Variants in PHEX observed in about 807,000 individuals in gnomAD.
The protein encoded by PHEX is phosphate regulating endopeptidase X-linked.
Under a neutral mutation model 68.0 loss-of-function variants are expected in PHEX, and 16 were observed. That is an observed-to-expected ratio of 0.24 (90% CI 0.16 to 0.36). PHEX has a LOEUF of 0.36. PHEX is among the 10% of genes least tolerant of loss of function. The pLI, the probability that PHEX is intolerant of heterozygous loss-of-function variation, is 1.00. For missense variants in PHEX, 480 were observed against 575.5 expected (o/e 0.83, Z 1.70); for synonymous variants, 208 against 205.1 (o/e 1.01, Z -0.12).
In PHEX at chrX:22,221,765, G is replaced by C. The variant is rs770826059; in HGVS notation, c.1899+22G>C. 1.3e-5 allele frequency: 16 copies of C among 1,190,480 alleles called. No individual in the cohort carries two copies. The Admixed American group carries it at 3.1e-4, about 23-fold the overall frequency. ...AAATGTGAGTACAACTGTGGCTAAGGGGGGCACCTTGTGGTTCATTTTTCC... is the reference window on the plus strand; with the variant it reads ...AAATGTGAGTACAACTGTGGCTAAGCGGGGCACCTTGTGGTTCATTTTTCC... On this transcript the variant is annotated intron_variant, in intron 18 of 21. Transcript: ENST00000379374.
chrX:22,190,271 G>C lies in PHEX; in HGVS notation c.1587-173G>C, dbSNP rs749186235. On this transcript the variant is annotated intron_variant, in intron 14 of 21. Coordinates refer to ENST00000379374, the MANE Select transcript of PHEX (RefSeq NM_000444.6). Reference sequence around the variant, plus strand: ...GCCATGTTCAGTTTAGGATGAGATTGTTCATTGAGCAGTACAGTAGCCCCA... The same window carrying C: ...GCCATGTTCAGTTTAGGATGAGATTCTTCATTGAGCAGTACAGTAGCCCCA... Among the ~76,000 whole-genome samples, 8 of 112,001 alleles carry C rather than the reference G, an allele frequency of 7.1e-5. No individual in the cohort carries two copies. The South Asian group carries it at 2.2e-3, about 31-fold the overall frequency.
chrX:22,032,942 T>A lies in PHEX; in HGVS notation c.-64T>A. ...AGCCTTGGATGTCAACGCCTCGCTC[T>A]TGAGACCAGCCACCAAACCACGAAA... On this transcript the variant is annotated 5_prime_UTR_variant, in exon 1 of 22. The change creates a new upstream start codon in the 5' untranslated region. Transcript: ENST00000379374. 1 of 863,534 alleles carries A rather than the reference T, an allele frequency of 1.2e-6. No individual in the cohort carries two copies. The allele number at this position is 863,534 out of a possible 1,213,427, so 71.2% of individuals were successfully genotyped here. A position where few individuals can be genotyped will look rare whatever the true frequency, so the allele number is the denominator to read the frequency against.
At chrX:22,245,139 AT>A (rs765194883) in intron 20 of PHEX, among the ~76,000 whole-genome samples, 193 bp from the exon 21 acceptor site, 5 of 112,405 alleles carry the variant, frequency 4.4e-5, no homozygotes, top group Non-Finnish European at 9.4e-5. Flanking sequence ...AATTATTCAC[AT>A]TGATAAAACC....
At chrX:22,143,979 T>G (rs1478378097) in intron 12 of PHEX, among the ~76,000 whole-genome samples, 1 of 111,458 alleles carries the variant, frequency 9.0e-6, no homozygotes, top group Non-Finnish European at 1.9e-5. Flanking sequence ...CAGAACCTAA[T>G]GTGGATCTGA....
At chrX:22,216,510 T>TATTA (rs1935099226) in intron 16 of PHEX, among the ~76,000 whole-genome samples, 1 of 106,902 alleles carries the variant, frequency 9.4e-6, no homozygotes, top group East Asian at 3.0e-4. Context: ...TTTATTTATT[T>TATTA]ATTTATTTAT....
intron 20 of PHEX, among the ~76,000 whole-genome samples, chrX:22,228,776 G>C (rs2051963807): frequency 9.0e-6 from 1 of 111,086 alleles, no homozygotes; most frequent in African/African-American, 3.3e-5. Flanking sequence ...CGTGCAGAAC[G>C]TGCAGTTTTG....
At chrX:22,205,824 G>C (rs1934694672) in intron 15 of PHEX, among the ~76,000 whole-genome samples, 1 of 111,835 alleles carries the variant, frequency 8.9e-6, no homozygotes, top group African/African-American at 3.2e-5. Context: ...CTGCAGTAAA[G>C]TGAACGCAAC....
chrX:22,136,703 G>T (rs916574331), intron 12 of PHEX, among the ~76,000 whole-genome samples: 3 of 111,705 alleles, frequency 2.7e-5, no homozygotes, highest in Admixed American at 9.5e-5. Flanking sequence ...CTAATACCTT[G>T]GCTTTTGTAG....
intron 20 of PHEX, among the ~76,000 whole-genome samples, chrX:22,237,516 G>T (rs943045221): frequency 2.7e-5 from 3 of 111,081 alleles, no homozygotes; most frequent in African/African-American, 9.9e-5. Flanking sequence ...GAACCTTCCT[G>T]GTATCTATAA....
intron 11 of PHEX, among the ~76,000 whole-genome samples, chrX:22,125,352 A>T (rs939169387): frequency 8.9e-6 from 1 of 111,927 alleles, no homozygotes; most frequent in Non-Finnish European, 1.9e-5. Context: ...TTTTTTCCAG[A>T]TATTATAACT....
chrX:22,085,081 T>C (rs1929569317), intron 5 of PHEX, among the ~76,000 whole-genome samples: 2 of 111,827 alleles, frequency 1.8e-5, no homozygotes, highest in African/African-American at 6.5e-5. Context: ...TTAGATTGTT[T>C]ATGAATTGTT....
At chrX:22,129,480 A>T (rs1569404286) in intron 11 of PHEX, among the ~76,000 whole-genome samples, 1 of 111,543 alleles carries the variant, frequency 9.0e-6, no homozygotes, top group African/African-American at 3.3e-5. Context: ...TCTCAATCCT[A>T]TTTCATGGAG....
chrX:22,094,270 A>G (rs1569388640), intron 7 of PHEX, among the ~76,000 whole-genome samples, 171 bp downstream of exon 7: 1 of 112,285 alleles, frequency 8.9e-6, no homozygotes, highest in East Asian at 2.8e-4. Context: ...AACTAATAGC[A>G]TCCCCTCTAG....
chrX:22,122,931 A>C (rs1373418384), intron 11 of PHEX, among the ~76,000 whole-genome samples: 1 of 110,078 alleles, frequency 9.1e-6, no homozygotes, highest in Non-Finnish European at 1.9e-5. Flanking sequence ...TTTGTTGGCC[A>C]AAGCAAGTCA....
At chrX:22,233,934 C>T (rs915563123) in intron 20 of PHEX, among the ~76,000 whole-genome samples, 2 of 112,232 alleles carry the variant, frequency 1.8e-5, no homozygotes, top group African/African-American at 6.5e-5. Context: ...GCTGGTTTCT[C>T]CCCATCTTTG....
chrX:22,063,993 A>G (rs1257414569), intron 3 of PHEX, among the ~76,000 whole-genome samples: 1 of 112,592 alleles, frequency 8.9e-6, no homozygotes, highest in East Asian at 2.8e-4. Context: ...TATTTCATCA[A>G]ATCAAAAATA....
At position 22,234,786 on chromosome X, in the gene PHEX, T is replaced by A. The variant is rs149331227; in HGVS notation, c.2070+7175T>A. 5.6e-3 allele frequency among the ~76,000 whole-genome samples: 594 copies of A among 106,265 alleles called. 7 individuals are homozygous for A. The highest frequency in any genetic ancestry group is 0.02 in the African/African-American group (570 of 28,892). 92.3% of individuals were successfully genotyped at this position (106,265 alleles called of 115,157 possible). ...CTTCTGACGGGAGTGAACGGTTCTG[T>A]CTTGCTGGCGTTCCCAGCACCAGTG... On this transcript the variant is annotated intron_variant, in intron 20 of 21. Coordinates refer to ENST00000379374, the MANE Select transcript of PHEX (RefSeq NM_000444.6).
At chrX:22,108,983 G>A (rs1930832774) in intron 9 of PHEX, among the ~76,000 whole-genome samples, 1 of 110,456 alleles carries the variant, frequency 9.1e-6, no homozygotes, top group South Asian at 3.9e-4. Context: ...ACATATAGCT[G>A]TGGATTTATG....
Position 22,046,018 on chromosome X carries a change from T to C in PHEX, c.188-1032T>C, listed in dbSNP as rs201372418. On this transcript the variant is annotated intron_variant, in intron 2 of 21. Coordinates refer to ENST00000379374, the MANE Select transcript of PHEX (RefSeq NM_000444.6). ...CCATAGAGGCCTGGAACAAAAATGATTGGATATTTCTCATGATTTTGTGGA... is the reference window on the plus strand; with the variant it reads ...CCATAGAGGCCTGGAACAAAAATGACTGGATATTTCTCATGATTTTGTGGA... Among the ~76,000 whole-genome samples, 6 of 112,402 alleles carry C rather than the reference T, an allele frequency of 5.3e-5. No homozygotes were observed. In the East Asian group the frequency reaches 1.7e-3, roughly 31 times the overall value.
Sources: allele counts gnomAD v4.1 joint callset (sites outside exome capture counted in the v4.1 genomes callset), GRCh38; gene constraint gnomAD v4.1.1; transcripts MANE v1.5; gene names NCBI Gene and HGNC (gene_info 2026-07-23, HGNC 2026-07-21).